Variants in CTH observed in about 807,000 individuals in gnomAD.
The protein encoded by CTH is cystathionine gamma-lyase.
CTH carries 41 observed loss-of-function variants against 50.6 expected under a neutral mutation model. The observed-to-expected ratio is 0.81, with a 90% CI of 0.63 to 1.05. The LOEUF (loss-of-function observed/expected upper bound fraction) is 1.05. Ranked by LOEUF, CTH falls within the 50% of genes least tolerant of loss-of-function variation. CTH has a pLI of 0.00. For missense variants in CTH, 470 were observed against 492.6 expected, an observed-to-expected ratio of 0.95 and a Z score of 0.43; for synonymous variants, 156 against 168.9, an observed-to-expected ratio of 0.92 and a Z score of 0.59.
chr1:70,428,766 A>G (rs1684402523), intron 5 of CTH, among the ~76,000 whole-genome samples: 2 of 151,634 alleles, frequency 1.3e-5, no homozygotes, highest in South Asian at 4.2e-4. Flanking sequence ...GCGTGCCACC[A>G]TGCTCAGCTA....
intron 4 of CTH, among the ~76,000 whole-genome samples, chr1:70,421,997 G>C (rs1340683642): frequency 6.6e-6 from 1 of 152,150 alleles, no homozygotes; most frequent in Non-Finnish European, 1.5e-5. Context: ...GGGAGTGTGA[G>C]AATCAAATGA....
chr1:70,412,785 G>T (rs1238277928), intron 1 of CTH, among the ~76,000 whole-genome samples: 2 of 152,058 alleles, frequency 1.3e-5, no homozygotes, highest in Non-Finnish European at 2.9e-5. Flanking sequence ...TGTATTTAAG[G>T]CTGTATAGTA....
In CTH at chr1:70,433,857, G is replaced by C; in HGVS notation, c.907G>C (p.Val303Leu). Reference protein sequence around the residue: ...GLPSHPQHELVKRQCTGCTGM... With the variant: ...GLPSHPQHELLKRQCTGCTGM... ...GCCCTCTCATCCACAGCATGAGTTG[G>C]TGAAGCGTCAGTGTACAGGTTGTAC... is the stretch of plus-strand genomic sequence containing the variant. The change falls in exon 9 of 12, where the codon GTG becomes CTG. Residue 303 changes from valine (V) to leucine (L), a missense_variant. Coordinates refer to ENST00000370938, the MANE Select transcript of CTH (RefSeq NM_001902.6). 1.9e-6 allele frequency: 3 copies of C among 1,614,054 alleles called. No homozygotes were observed.
chr1:70,412,199 A>G (rs1055255380), intron 1 of CTH, among the ~76,000 whole-genome samples: 6 of 152,238 alleles, frequency 3.9e-5, no homozygotes, highest in African/African-American at 1.4e-4. Context: ...TAGAAACTTG[A>G]GGTTGCTTTA....
intron 5 of CTH, among the ~76,000 whole-genome samples, chr1:70,425,733 G>A (rs901031712): frequency 2.0e-5 from 3 of 152,104 alleles, no homozygotes. Context: ...GAGGGGGAAG[G>A]TGCTACACAC....
At chr1:70,416,585 C>T (rs1684096456) in intron 2 of CTH, among the ~76,000 whole-genome samples, 1 of 133,556 alleles carries the variant, frequency 7.5e-6, no homozygotes, top group Non-Finnish European at 1.6e-5. Context: ...TTTTTTGAGA[C>T]AGAGTCTTGC....
At chr1:70,414,382 C>T (rs573513231) in intron 1 of CTH, among the ~76,000 whole-genome samples, 4 of 151,744 alleles carry the variant, frequency 2.6e-5, no homozygotes, top group Admixed American at 2.0e-4. Flanking sequence ...TGTGTGGTGG[C>T]GTGCCTGTAG....
intron 1 of CTH, among the ~76,000 whole-genome samples, chr1:70,415,352 T>C (rs938269960): frequency 3.3e-5 from 5 of 152,082 alleles, no homozygotes; most frequent in African/African-American, 1.2e-4. Flanking sequence ...TGCAGTGAGC[T>C]ATGATTGCCC....
intron 10 of CTH, among the ~76,000 whole-genome samples, chr1:70,437,843 T>C (rs553778421): frequency 1.3e-5 from 2 of 152,308 alleles, no homozygotes; most frequent in Admixed American, 6.5e-5. Flanking sequence ...TTGGTTGTAA[T>C]ACACATACTG....
chr1:70,431,584 G>T (rs1040921406), intron 7 of CTH, among the ~76,000 whole-genome samples: 1 of 152,114 alleles, frequency 6.6e-6, no homozygotes, highest in African/African-American at 2.4e-5. Context: ...GAAACTTATT[G>T]CTTGATAAGT....
rs1192595405 is a variant in CTH, at chr1:70,433,891, T to C, written c.941T>C (p.Val314Ala). ...KRQCTGCTGM[V>A]TFYIKGTLQH... ...CAGTGTACAGGTTGTACAGGGATGG[T>C]CACCTTTTATATTAAGGGCACTCTT... The change falls in exon 9 of 12, where the codon GTC becomes GCC. Residue 314 changes from valine (V) to alanine (A), a missense_variant. Transcript: ENST00000370938. The C allele has an allele frequency of 4.3e-6, 7 of 1,614,122 alleles. No individual in the cohort carries two copies. The highest frequency in any genetic ancestry group is 5.1e-6 in the Non-Finnish European group (6 of 1,180,004).
chr1:70,438,608 G>A (rs1364395943), intron 10 of CTH, 80 bp from the exon 11 acceptor site: 3 of 1,497,468 alleles, frequency 2.0e-6, no homozygotes, highest in Non-Finnish European at 2.8e-6. Context: ...AATGTTGAGG[G>A]TAATTGCAGT....
chr1:70,420,303 GT>G (rs1198216347), intron 3 of CTH, among the ~76,000 whole-genome samples: 7 of 152,088 alleles, frequency 4.6e-5, no homozygotes, highest in Admixed American at 2.6e-4. Context: ...TCAGGGACTG[GT>G]TTTGTAGAAT....
At position 70,411,577 on chromosome 1, in the gene CTH, G is replaced by C. The variant is rs755119417; in HGVS notation, c.162G>C (p.Gln54His). The C allele has an allele frequency of 1.3e-5, 21 of 1,613,774 alleles. No individual in the cohort carries two copies. Among genetic ancestry groups the C allele is most frequent in the Non-Finnish European group, 1.8e-5 (21 of 1,179,728 alleles). Residue 54 changes from glutamine to histidine, a missense_variant, in exon 1 of 12, where the codon CAG becomes CAC. Coordinates refer to ENST00000370938, the MANE Select transcript of CTH (RefSeq NM_001902.6). ...CGTTCAAGCAAGGGGCGCCTGGCCA[G>C]CACTCGGTGAGCTGGGTCTGTCTGG... is the stretch of plus-strand genomic sequence containing the variant. Reference protein sequence around the residue: ...STTFKQGAPGQHSGFEYSRSG... With the variant: ...STTFKQGAPGHHSGFEYSRSG...
At chr1:70,428,757 C>T (rs1052148390) in intron 5 of CTH, among the ~76,000 whole-genome samples, 2 of 151,768 alleles carry the variant, frequency 1.3e-5, no homozygotes, top group African/African-American at 2.4e-5. Flanking sequence ...ATTACAGGTG[C>T]GTGCCACCAT....
rs747814501 is a variant in CTH at position 70,439,116 on chromosome 1, A to G, written c.1207A>G (p.Ser403Gly). Residue 403 changes from serine (S) to glycine (G), a missense_variant, in exon 12 of 12, where the codon AGT becomes GGT. Transcript: ENST00000370938. ...GTTATTATAGCACCCTCCAAGTGGA[A>G]GTCACAGCTAGTATTCCAGAGCTGC... ...ALKAAHPPSG[S>G]HS The G allele has an allele frequency of 5.0e-6, 8 of 1,612,404 alleles. No homozygotes were observed. The highest frequency in any genetic ancestry group is 5.9e-6 in the Non-Finnish European group (7 of 1,178,416).
rs796742684 is a variant in CTH, at chr1:70,435,139, C to T, written c.1014C>T (p.Ala338=). 27 of 1,612,668 alleles carry T rather than the reference C, an allele frequency of 1.7e-5. No individual in the cohort carries two copies. Among genetic ancestry groups the T allele is most frequent in the East Asian group, 4.5e-5 (2 of 44,830 alleles). ...FLKNLKLFTL[A]ESLGGFESLA... Reference sequence around the variant, plus strand: ...CTTTGCTATAGCTATTTACTCTGGCCGAGAGCTTGGGAGGATTCGAAAGCC... The same window carrying T: ...CTTTGCTATAGCTATTTACTCTGGCTGAGAGCTTGGGAGGATTCGAAAGCC... Residue 338 remains alanine (A), a synonymous_variant, in exon 10 of 12, where the codon GCC becomes GCT. Transcript: ENST00000370938.
chr1:70,424,526 T>C lies in CTH; in HGVS notation c.588+110T>C, dbSNP rs1372979108. 8.4e-6 allele frequency: 13 copies of C among 1,549,528 alleles called. No individual in the cohort carries two copies. The African/African-American group carries it at 1.4e-4, about 16-fold the overall frequency. On this transcript the variant is annotated intron_variant, in intron 5 of 11. Coordinates refer to ENST00000370938, the MANE Select transcript of CTH (RefSeq NM_001902.6). ...TCATGATCAAATTCATGAAATCTAATCATAATTAATTATTTACTGGATCGA... is the reference window on the plus strand; with the variant it reads ...TCATGATCAAATTCATGAAATCTAACCATAATTAATTATTTACTGGATCGA...
At chr1:70,421,987 G>A (rs1348544809) in intron 4 of CTH, among the ~76,000 whole-genome samples, 1 of 152,088 alleles carries the variant, frequency 6.6e-6, no homozygotes, top group East Asian at 1.9e-4. Flanking sequence ...TTATAGAAAC[G>A]GGAGTGTGAG....
Sources: gnomAD v4.1 joint callset for allele counts (sites outside exome capture counted in the v4.1 genomes callset) on GRCh38, gnomAD v4.1.1 for gene constraint, MANE v1.5 for transcripts, NCBI Gene and HGNC (gene_info 2026-07-23, HGNC 2026-07-21) for gene names.